PRKX: variants seen among roughly 807,000 people sequenced by gnomAD.
PRKX encodes the protein cAMP-dependent protein kinase catalytic subunit PRKX.
Under a neutral mutation model 22.0 loss-of-function variants are expected in PRKX, and 12 were observed. The ratio of observed to expected loss-of-function variants is 0.54; its 90% CI spans 0.35 to 0.88. The LOEUF is 0.88. PRKX is among the 40% of genes least tolerant of loss of function. PRKX has a pLI of 0.01. For missense variants in PRKX, 217 were observed against 308.0 expected (o/e 0.70, Z 2.21); for synonymous variants, 134 against 137.7 (o/e 0.97, Z 0.19).
intron 1 of PRKX, among the ~76,000 whole-genome samples, chrX:3,695,756 CAT>C (rs1928431310): frequency 9.0e-6 from 1 of 111,591 alleles, no homozygotes; most frequent in Non-Finnish European, 1.9e-5. Context: ...TCTGGGACCA[CAT>C]GTCTTTACTT....
At chrX:3,650,389 T>C (rs753997084) in intron 3 of PRKX, among the ~76,000 whole-genome samples, 39 of 105,861 alleles carry the variant, frequency 3.7e-4, no homozygotes, top group East Asian at 1.8e-3. Flanking sequence ...GGCGTGGTGG[T>C]GGGCGCCTGT....
chrX:3,665,798 A>C (rs1025684523), intron 2 of PRKX, among the ~76,000 whole-genome samples: 1 of 110,664 alleles, frequency 9.0e-6, no homozygotes, highest in African/African-American at 3.3e-5. Context: ...TCCTAGAATC[A>C]CCAAATTCAT....
At chrX:3,681,181 C>T (rs1185104469) in intron 1 of PRKX, among the ~76,000 whole-genome samples, 1 of 110,186 alleles carries the variant, frequency 9.1e-6, no homozygotes, top group Non-Finnish European at 1.9e-5. Context: ...CAGGAATTCC[C>T]GACCAGCCTG....
At chrX:3,653,579 T>G (rs1170157347) in intron 3 of PRKX, among the ~76,000 whole-genome samples, 2 of 99,174 alleles carry the variant, frequency 2.0e-5, no homozygotes, top group Non-Finnish European at 4.0e-5. Context: ...TAGTATGATA[T>G]AGGTATACTA....
intron 1 of PRKX, among the ~76,000 whole-genome samples, chrX:3,695,150 T>C (rs7879951): frequency 0.36 from 39,680 of 110,163 alleles, 5,387 homozygotes; most frequent in Non-Finnish European, 0.4. Flanking sequence ...ACTAGATGTG[T>C]GCTTTGAGAC....
intron 1 of PRKX, among the ~76,000 whole-genome samples, chrX:3,694,838 G>C (rs1484194305): frequency 4.6e-5 from 5 of 109,798 alleles, no homozygotes; most frequent in African/African-American, 1.7e-4. Flanking sequence ...GCAGAGACTG[G>C]AGTGCTGTGG....
chrX:3,621,142 G>T, intron 6 of PRKX, 117 bp downstream of exon 6: 1 of 536,701 alleles, frequency 1.9e-6, no homozygotes, highest in Non-Finnish European at 3.0e-6. Context: ...TGAAATTTGG[G>T]CAGTGATTAA....
At chrX:3,690,337 AAAC>A (rs1411152908) in intron 1 of PRKX, among the ~76,000 whole-genome samples, 1 of 112,337 alleles carries the variant, frequency 8.9e-6, no homozygotes, top group Non-Finnish European at 1.9e-5. Context: ...TTGCTGAGTC[AAAC>A]AACATTCCAT....
At chrX:3,712,945 C>T in intron 1 of PRKX, 143 bp downstream of exon 1, 2 of 722,534 alleles carry the variant, frequency 2.8e-6, no homozygotes, top group Non-Finnish European at 3.7e-6. Context: ...GGCGCAGGTG[C>T]AGCCCCGCAC....
chrX:3,605,987 CTTTA>C lies in PRKX; in HGVS notation c.*2978_*2981del, dbSNP rs920168785. ...GACAGTGTATACTATTTGGTTGTGA[CTTTA>C]TTTCCTTCCTGGCTTTATCAATGCC... On this transcript the variant is annotated 3_prime_UTR_variant, in exon 9 of 9. Coordinates refer to ENST00000262848, the MANE Select transcript of PRKX (RefSeq NM_005044.5). 2.7e-5 allele frequency: 3 copies of C among 112,404 alleles called. No individual in the cohort carries two copies. Among genetic ancestry groups the C allele is most frequent in the African/African-American group, 9.7e-5 (3 of 30,955 alleles). 9.3% of individuals were successfully genotyped at this position (112,404 alleles called of 1,213,427 possible).
chrX:3,674,754 A>G lies in PRKX; in HGVS notation c.179T>C (p.Phe60Ser). 2 of 1,211,188 alleles carry G rather than the reference A, an allele frequency of 1.7e-6. No homozygotes were observed. Among genetic ancestry groups the G allele is most frequent in the East Asian group, 5.9e-5 (2 of 33,850 alleles). Residue 60 changes from phenylalanine (F) to serine (S), a missense_variant, in exon 2 of 9, where the codon TTC becomes TCC. Coordinates refer to ENST00000262848, the MANE Select transcript of PRKX (RefSeq NM_005044.5). ...CTCCTTCACCAGGTGCACCCGCCCG[A>G]ACGTCCCAGTGCCTGGAGAGAGAAG... is the stretch of plus-strand genomic sequence containing the variant. ...DTLATVGTGT[F>S]GRVHLVKEKT...
intron 3 of PRKX, among the ~76,000 whole-genome samples, chrX:3,648,883 A>G (rs1291651730): frequency 1.8e-5 from 2 of 110,212 alleles, no homozygotes; most frequent in African/African-American, 6.6e-5. Flanking sequence ...GTTCAAGACT[A>G]TCCTGGCCAA....
At position 3,620,009 on chromosome X, in the gene PRKX, A is replaced by G. The variant is rs182985666; in HGVS notation, c.873+1250T>C. Among the ~76,000 whole-genome samples the G allele has an allele frequency of 8.9e-5, 10 of 112,131 alleles. No homozygotes were observed. In the Admixed American group the frequency reaches 9.5e-4, roughly 11 times the overall value. ...GGATGTCAAAACACGCATATCAGGT[A>G]TGATACTACTTAAGGAATAGTCTGT... On this transcript the variant is annotated intron_variant, in intron 6 of 8. Coordinates refer to ENST00000262848, the MANE Select transcript of PRKX (RefSeq NM_005044.5).
rs1569049318 is a variant in PRKX, at chrX:3,648,605, C to CGTGTGT, written c.599+6543_599+6544insACACAC. 4.6e-3 allele frequency among the ~76,000 whole-genome samples: 212 copies of CGTGTGT among 46,144 alleles called. 2 individuals are homozygous for CGTGTGT. Among genetic ancestry groups the CGTGTGT allele is most frequent in the Non-Finnish European group, 6.9e-3 (181 of 26,133 alleles). 40.1% of individuals were successfully genotyped at this position (46,144 alleles called of 115,157 possible). On this transcript the variant is annotated intron_variant, in intron 3 of 8. Transcript: ENST00000262848. ...TTCAATGTGAATTACTCTCTCTACTCCTGTGTGTGTGTGTGTGTGTGTGTG... is the reference window on the plus strand; with the variant it reads ...TTCAATGTGAATTACTCTCTCTACTCGTGTGTCTGTGTGTGTGTGTGTGTGTGTGTG...
chrX:3,618,714 G>C (rs904523604), intron 6 of PRKX, among the ~76,000 whole-genome samples: 13 of 111,585 alleles, frequency 1.2e-4, no homozygotes, highest in Non-Finnish European at 5.6e-5. Flanking sequence ...GACCTAGCTT[G>C]GGAGTTTGTG....
In PRKX at chrX:3,674,554, G is replaced by A. The variant is rs779668275; in HGVS notation, c.335+44C>T. 26 of 1,189,271 alleles carry A rather than the reference G, an allele frequency of 2.2e-5. No homozygotes were observed. In the East Asian group the frequency reaches 3.6e-4, roughly 16 times the overall value. On this transcript the variant is annotated intron_variant, in intron 2 of 8. Coordinates refer to ENST00000262848, the MANE Select transcript of PRKX (RefSeq NM_005044.5). Reference sequence around the variant, plus strand: ...TTCTTATAAGAAGAGACACACAGGGGTCTAGGGAGAGTGCGTGGGGAGAGG... The same window carrying A: ...TTCTTATAAGAAGAGACACACAGGGATCTAGGGAGAGTGCGTGGGGAGAGG...
intron 4 of PRKX, among the ~76,000 whole-genome samples, chrX:3,628,010 T>C (rs1330681388): frequency 1.8e-5 from 2 of 111,139 alleles, no homozygotes; most frequent in Non-Finnish European, 3.8e-5. Context: ...CATCAACAGA[T>C]GAGCAGATAG....
intron 1 of PRKX, among the ~76,000 whole-genome samples, chrX:3,682,984 T>C (rs150457778): frequency 0.13 from 13,367 of 104,797 alleles, 906 homozygotes; most frequent in East Asian, 0.35. Flanking sequence ...GAGAAGGCCA[T>C]GTGGAGACGG....
chrX:3,608,578 T>TACACACACACACACAC lies in PRKX; in HGVS notation c.*375_*390dup, dbSNP rs57960952. 3 of 94,519 alleles carry TACACACACACACACAC rather than the reference T, an allele frequency of 3.2e-5. No individual in the cohort carries two copies. The highest frequency in any genetic ancestry group is 6.4e-5 in the Non-Finnish European group (3 of 47,144). 7.8% of individuals were successfully genotyped at this position (94,519 alleles called of 1,213,427 possible). On this transcript the variant is annotated 3_prime_UTR_variant, in exon 9 of 9. Transcript: ENST00000262848. ...TGACTTCTATATATACACACAGGCA[T>TACACACACACACACAC]ACACACACACACACACACACACACA...
Sources: allele counts gnomAD v4.1 joint callset (sites outside exome capture counted in the v4.1 genomes callset), GRCh38; gene constraint gnomAD v4.1.1; transcripts MANE v1.5; gene names NCBI Gene and HGNC (gene_info 2026-07-23, HGNC 2026-07-21).